The following CDH4 variants were observed in gnomAD, a reference collection of about 807,000 sequenced individuals.
The protein encoded by CDH4 is cadherin-4.
Under a neutral mutation model 86.0 loss-of-function variants are expected in CDH4, and 33 were observed. That is an observed-to-expected ratio of 0.38 (90% CI 0.29 to 0.51). CDH4 has a LOEUF of 0.51. Ranked by LOEUF, CDH4 falls within the 20% of genes least tolerant of loss-of-function variation. The pLI, the probability that CDH4 is intolerant of heterozygous loss-of-function variation, is 0.86. For synonymous variants in CDH4, 555 were observed against 549.4 expected (o/e 1.01, Z -0.14); for missense variants, 1,114 against 1,307.4 (o/e 0.85, Z 2.28).
chr20:61,674,193 A>C (rs2087421500), intron 2 of CDH4, among the ~76,000 whole-genome samples: 1 of 152,156 alleles, frequency 6.6e-6, no homozygotes, highest in Non-Finnish European at 1.5e-5. Flanking sequence ...AGGAAGAGCC[A>C]AGACTAGTGG....
chr20:61,933,888 T>G (rs931670201), intron 14 of CDH4, among the ~76,000 whole-genome samples, 168 bp from the exon 15 acceptor site: 2 of 152,108 alleles, frequency 1.3e-5, no homozygotes, highest in African/African-American at 2.4e-5. Context: ...AGGTGGGGCA[T>G]TGTGGAGGGG....
intron 2 of CDH4, among the ~76,000 whole-genome samples, chr20:61,420,242 G>A (rs1231236206): frequency 1.3e-5 from 2 of 152,234 alleles, no homozygotes; most frequent in African/African-American, 4.8e-5. Flanking sequence ...CCTGCTGTGC[G>A]GGGAAACGCA....
At chr20:61,697,052 A>T (rs1166151026) in intron 2 of CDH4, among the ~76,000 whole-genome samples, 1 of 152,154 alleles carries the variant, frequency 6.6e-6, no homozygotes, top group African/African-American at 2.4e-5. Flanking sequence ...CTTCGGAGGG[A>T]GCATGGCCCT....
chr20:61,681,978 G>T lies in CDH4; in HGVS notation c.170-61585G>T, dbSNP rs547787128. Among the ~76,000 whole-genome samples, 5 of 152,248 alleles carry T rather than the reference G, an allele frequency of 3.3e-5. No homozygotes were observed. The highest frequency in any genetic ancestry group is 7.3e-5 in the Non-Finnish European group (5 of 68,048). On this transcript the variant is annotated intron_variant, in intron 2 of 15. Coordinates refer to ENST00000614565, the MANE Select transcript of CDH4 (RefSeq NM_001794.5). This position sits in a 1 kb window ranked among gnomAD's most constrained non-coding sequence, Gnocchi z 4.5. ...GGTTGTCATTGCAGAAGGAAGCCCA[G>T]TGGGTTTCAGCTGCTAGTGGAGAAC...
In CDH4 at chr20:61,392,729, T is replaced by C. The variant is rs6061663; in HGVS notation, c.169+137792T>C. On this transcript the variant is annotated intron_variant, in intron 2 of 15. Transcript: ENST00000614565. This position sits in a 1 kb window ranked among gnomAD's most constrained non-coding sequence, Gnocchi z 5.7. ...TTCCCGTGCTGTTAAATTTGAACCT[T>C]GGACTGTTTCTCACAGTATTCATCA... is the stretch of plus-strand genomic sequence containing the variant. Among the ~76,000 whole-genome samples, 21,503 of 152,234 alleles carry C rather than the reference T, an allele frequency of 0.14. 2,433 individuals are homozygous for C. The highest frequency in any genetic ancestry group is 0.38 in the East Asian group (1,980 of 5,164).
chr20:61,907,250 C>T (rs774151689), intron 8 of CDH4, among the ~76,000 whole-genome samples: 39 of 152,078 alleles, frequency 2.6e-4, no homozygotes, highest in Non-Finnish European at 5.0e-4. Flanking sequence ...CTGAGGAGGG[C>T]TGCCCCTCCC....
chr20:61,898,245 C>T (rs1402430560), intron 8 of CDH4, among the ~76,000 whole-genome samples: 1 of 152,270 alleles, frequency 6.6e-6, no homozygotes, highest in Non-Finnish European at 1.5e-5. Context: ...CAAGCCTAAT[C>T]AAGAACAATC....
chr20:61,302,971 A>G (rs1052023459), intron 2 of CDH4, among the ~76,000 whole-genome samples: 1 of 152,236 alleles, frequency 6.6e-6, no homozygotes, highest in Non-Finnish European at 1.5e-5. Flanking sequence ...AGGTGCCTCC[A>G]GAGGCTAGAC....
intron 2 of CDH4, among the ~76,000 whole-genome samples, chr20:61,277,868 C>A (rs745595045): frequency 2.6e-5 from 4 of 152,196 alleles, no homozygotes; most frequent in Non-Finnish European, 5.9e-5. Context: ...CATGAGCGTT[C>A]TGATGGAGCA....
intron 2 of CDH4, among the ~76,000 whole-genome samples, chr20:61,466,781 G>T (rs1600698189): frequency 6.6e-6 from 1 of 151,984 alleles, no homozygotes. Context: ...AACCTGGGAG[G>T]CAGAGGTTGC....
In CDH4 at chr20:61,805,467, C is replaced by T. The variant is rs377723385; in HGVS notation, c.576+32285C>T. On this transcript the variant is annotated intron_variant, in intron 4 of 15. Coordinates refer to ENST00000614565, the MANE Select transcript of CDH4 (RefSeq NM_001794.5). ...CCAGCAAGGGTCAGGGCCACCTTTC[C>T]GGCCAGGCACAACCTTTCCGGGATC... Among the ~76,000 whole-genome samples the T allele has an allele frequency of 4.6e-5, 7 of 152,320 alleles. No individual in the cohort carries two copies. The South Asian group carries it at 1.0e-3, about 23-fold the overall frequency.
chr20:61,509,894 A>G (rs530804277), intron 2 of CDH4, among the ~76,000 whole-genome samples: 1 of 152,236 alleles, frequency 6.6e-6, no homozygotes, highest in African/African-American at 2.4e-5. Flanking sequence ...CTCAGGATGT[A>G]ATGGAGCAGA....
intron 2 of CDH4, among the ~76,000 whole-genome samples, chr20:61,701,178 T>G (rs1487112364): frequency 6.6e-6 from 1 of 152,184 alleles, no homozygotes; most frequent in Non-Finnish European, 1.5e-5. Flanking sequence ...AGTGTGTCTG[T>G]GCCCAAGTCT....
chr20:61,923,029 AC>A (rs2054999184), intron 9 of CDH4, among the ~76,000 whole-genome samples: 2 of 152,222 alleles, frequency 1.3e-5, no homozygotes, highest in African/African-American at 4.8e-5. Context: ...TTTGGGGGCC[AC>A]CATCTGACCC....
intron 2 of CDH4, among the ~76,000 whole-genome samples, chr20:61,418,217 T>C (rs1290407622): frequency 1.3e-5 from 2 of 149,652 alleles, no homozygotes; most frequent in Non-Finnish European, 1.5e-5. Context: ...TTCTTTTTTT[T>C]TTTTTTTCCC....
intron 2 of CDH4, chr20:61,434,703 C>T (rs1281904262): frequency 6.6e-6 from 1 of 152,128 alleles, no homozygotes; most frequent in Non-Finnish European, 1.5e-5. Context: ...GCCCCACCTC[C>T]TCCGCTGTCA....
intron 2 of CDH4, among the ~76,000 whole-genome samples, chr20:61,670,983 T>G (rs1600859259): frequency 6.6e-6 from 1 of 152,224 alleles, no homozygotes; most frequent in East Asian, 1.9e-4. Context: ...GTATAAACTC[T>G]GGTCCCTGCC....
intron 12 of CDH4, 85 bp from the exon 13 acceptor site, chr20:61,929,524 C>T (rs1419818051): frequency 1.3e-5 from 13 of 977,986 alleles, no homozygotes; most frequent in South Asian, 5.8e-5. Flanking sequence ...TCCATGCCAT[C>T]GGACTTTTAG....
At chr20:61,419,996 G>C (rs960327068) in intron 2 of CDH4, among the ~76,000 whole-genome samples, 2 of 152,244 alleles carry the variant, frequency 1.3e-5, no homozygotes, top group African/African-American at 4.8e-5. Context: ...CAAAGCCTGT[G>C]CATTCTCATT....
Sources: allele counts gnomAD v4.1 joint callset (sites outside exome capture counted in the v4.1 genomes callset), GRCh38; gene constraint gnomAD v4.1.1; non-coding constraint Gnocchi (gnomAD v3.1); transcripts MANE v1.5; gene names NCBI Gene and HGNC (gene_info 2026-07-23, HGNC 2026-07-21).